KCNT2: variants seen among roughly 807,000 people sequenced by gnomAD.
KCNT2 encodes the protein potassium channel subfamily T member 2.
Under a neutral mutation model 153.8 loss-of-function variants are expected in KCNT2, and 67 were observed. The observed-to-expected ratio is 0.44, with a 90% CI of 0.36 to 0.53. The LOEUF (loss-of-function observed/expected upper bound fraction) is 0.53. Among genes scored for constraint, KCNT2 ranks in the 20% least tolerant of loss-of-function variants. The pLI, the probability that KCNT2 is intolerant of heterozygous loss-of-function variation, is 0.00. For synonymous variants in KCNT2, 500 were observed against 458.8 expected (o/e 1.09, Z -1.15); for missense variants, 975 against 1,354.8 (o/e 0.72, Z 4.40).
chr1:196,521,167 C>G (rs978983930), intron 1 of KCNT2, among the ~76,000 whole-genome samples: 1 of 152,118 alleles, frequency 6.6e-6, no homozygotes, highest in African/African-American at 2.4e-5. Flanking sequence ...AGAAGATATA[C>G]ATGCAACCAA....
At chr1:196,435,438 A>T (rs1369683401) in intron 8 of KCNT2, among the ~76,000 whole-genome samples, 3 of 151,274 alleles carry the variant, frequency 2.0e-5, no homozygotes, top group Admixed American at 1.3e-4. Flanking sequence ...TACTTATTGA[A>T]ATTCATTCTA....
chr1:196,476,692 T>C (rs1678562428), intron 5 of KCNT2, among the ~76,000 whole-genome samples: 6 of 152,182 alleles, frequency 3.9e-5, no homozygotes, highest in Admixed American at 3.3e-4. Flanking sequence ...ACCTCAGGTT[T>C]CTATTCCAGC....
Position 196,492,337 on chromosome 1 carries a change from G to C in KCNT2, c.100C>G (p.Gln34Glu), listed in dbSNP as rs778014928. The C allele has an allele frequency of 5.0e-6, 7 of 1,393,330 alleles. No homozygotes were observed. The highest frequency in any genetic ancestry group is 1.5e-5 in the African/African-American group (1 of 67,016). 86.3% of individuals were successfully genotyped at this position (1,393,330 alleles called of 1,614,324 possible). The change falls in exon 2 of 28, where the codon CAA (glutamine) becomes GAA (glutamate). Residue 34 changes from glutamine (Q) to glutamate (E), a missense_variant. This residue lies in a region of KCNT2 where 140 missense variants were observed against 216.0 expected (regional missense o/e 0.65). Coordinates refer to ENST00000294725, the MANE Select transcript of KCNT2 (RefSeq NM_198503.5). ...DQGWQNDDRV[Q>E]VEFYMNENTF... The stretch of plus-strand genomic sequence containing the variant: ...TTTTCATTCATATAGAATTCAACTT[G>C]TACCCTGCAAACAGAAAATAAAAAC...
At chr1:196,448,353 TA>T (rs1443381989) in intron 8 of KCNT2, among the ~76,000 whole-genome samples, 4 of 151,690 alleles carry the variant, frequency 2.6e-5, no homozygotes, top group East Asian at 2.0e-4. Context: ...AAAATTTTTA[TA>T]AAAAATATAT....
At chr1:196,418,188 A>G (rs1672904481) in intron 12 of KCNT2, among the ~76,000 whole-genome samples, 1 of 151,944 alleles carries the variant, frequency 6.6e-6, no homozygotes, top group African/African-American at 2.4e-5. Flanking sequence ...AAAATACCCC[A>G]GATTTGGCTG....
intron 1 of KCNT2, among the ~76,000 whole-genome samples, chr1:196,593,311 T>TATATACACAC (rs1256165838): frequency 6.3e-4 from 88 of 140,204 alleles, no homozygotes; most frequent in African/African-American, 2.2e-3. Flanking sequence ...TATATATATA[T>TATATACACAC]ACACACACAC....
In KCNT2 at chr1:196,448,080, G is replaced by A. The variant is rs571067767; in HGVS notation, c.638+17213C>T. Among the ~76,000 whole-genome samples, 171 of 151,614 alleles carry A rather than the reference G, an allele frequency of 1.1e-3. 4 individuals are homozygous for A. The highest frequency in any genetic ancestry group is 4.0e-3 in the African/African-American group (166 of 41,456). Reference sequence around the variant, plus strand: ...TTTTCACCACAACATGTCATCCCCTGAAAAAAGAATTGCTTTCAAACTACT... The same window carrying A: ...TTTTCACCACAACATGTCATCCCCTAAAAAAAGAATTGCTTTCAAACTACT... On this transcript the variant is annotated intron_variant, in intron 8 of 27. Coordinates refer to ENST00000294725, the MANE Select transcript of KCNT2 (RefSeq NM_198503.5).
At position 196,584,191 on chromosome 1, in the gene KCNT2, A is replaced by AAAATAAAATAAAATAAAATC. The variant is rs1441056712; in HGVS notation, c.95+24023_95+24024insGATTTTATTTTATTTTATTT. ...AAGATAAAATAAAATAAAATAAAAT[A>AAAATAAAATAAAATAAAATC]AAAAGAATAGAAGCTCCCGCCCAAA... On this transcript the variant is annotated intron_variant, in intron 1 of 27. Coordinates refer to ENST00000294725, the MANE Select transcript of KCNT2 (RefSeq NM_198503.5). 9.6e-4 allele frequency among the ~76,000 whole-genome samples: 145 copies of AAAATAAAATAAAATAAAATC among 151,708 alleles called. 1 individual carries two copies. The highest frequency in any genetic ancestry group is 3.4e-3 in the African/African-American group (141 of 41,496).
At chr1:196,291,958 G>A (rs1392793180) in intron 22 of KCNT2, among the ~76,000 whole-genome samples, 2 of 151,988 alleles carry the variant, frequency 1.3e-5, no homozygotes, top group Non-Finnish European at 2.9e-5. Flanking sequence ...AGTAACTTGG[G>A]TGAATAGTAA....
chr1:196,524,820 G>A (rs985530461), intron 1 of KCNT2, among the ~76,000 whole-genome samples: 4 of 152,064 alleles, frequency 2.6e-5, no homozygotes, highest in African/African-American at 7.2e-5. Context: ...CAACAAATAG[G>A]AAAGTCAATC....
At chr1:196,432,365 A>C (rs926774165) in intron 8 of KCNT2, among the ~76,000 whole-genome samples, 5 of 152,082 alleles carry the variant, frequency 3.3e-5, no homozygotes, top group Non-Finnish European at 5.9e-5. Flanking sequence ...GAAACCCCAG[A>C]GCTGTAGTCA....
intron 12 of KCNT2, among the ~76,000 whole-genome samples, chr1:196,415,513 A>AATATAT (rs150510696): frequency 6.7e-6 from 1 of 149,968 alleles, no homozygotes; most frequent in African/African-American, 2.4e-5. Flanking sequence ...CCTATATATA[A>AATATAT]ATATATATAT....
intron 20 of KCNT2, 68 bp from the exon 21 acceptor site, chr1:196,316,094 T>C (rs1157696275): frequency 5.6e-6 from 8 of 1,417,060 alleles, no homozygotes; most frequent in Non-Finnish European, 9.7e-7. Context: ...AGTGCTAAAG[T>C]CTAGCACTAT....
chr1:196,519,888 T>A (rs1653119042), intron 1 of KCNT2, among the ~76,000 whole-genome samples: 1 of 152,172 alleles, frequency 6.6e-6, no homozygotes, highest in South Asian at 2.1e-4. Flanking sequence ...CTAGTACCAT[T>A]CCTATTGAAA....
At chr1:196,527,352 G>A (rs1194058882) in intron 1 of KCNT2, among the ~76,000 whole-genome samples, 1 of 152,130 alleles carries the variant, frequency 6.6e-6, no homozygotes, top group Admixed American at 6.5e-5. Context: ...TAAGGTATTA[G>A]TAACACAAAG....
intron 1 of KCNT2, among the ~76,000 whole-genome samples, chr1:196,524,425 T>C (rs1013729351): frequency 6.6e-6 from 1 of 152,110 alleles, no homozygotes; most frequent in Non-Finnish European, 1.5e-5. Flanking sequence ...AATGAGACAA[T>C]GGATGTCCAG....
At chr1:196,333,103 T>TG (rs902374964) in intron 17 of KCNT2, among the ~76,000 whole-genome samples, 11 of 151,718 alleles carry the variant, frequency 7.3e-5, no homozygotes, top group African/African-American at 2.7e-4. Flanking sequence ...AGTTTTTTTT[T>TG]TTTTTTGTTT....
intron 25 of KCNT2, among the ~76,000 whole-genome samples, chr1:196,276,671 G>A (rs924295491): frequency 4.0e-5 from 6 of 151,886 alleles, no homozygotes; most frequent in African/African-American, 1.5e-4. Flanking sequence ...GCAGACTTGG[G>A]AAGGATATTT....
chr1:196,465,178 ATATT>A (rs1677498340), intron 8 of KCNT2, 111 bp downstream of exon 8: 1 of 614,628 alleles, frequency 1.6e-6, no homozygotes, highest in South Asian at 2.2e-5. Context: ...TTTTTGGTGA[ATATT>A]TGTTTATTTA....
Sources: gnomAD v4.1 joint callset for allele counts (sites outside exome capture counted in the v4.1 genomes callset) on GRCh38, gnomAD v4.1.1 for gene constraint, gnomAD v4.1.1 regional missense constraint, MANE v1.5 for transcripts, NCBI Gene and HGNC (gene_info 2026-07-23, HGNC 2026-07-21) for gene names.